ABCB9: variants seen among roughly 807,000 people sequenced by gnomAD.
The protein encoded by ABCB9 is ABC-type oligopeptide transporter ABCB9.
Under a neutral mutation model 62.0 loss-of-function variants are expected in ABCB9, and 36 were observed. That is an observed-to-expected ratio of 0.58 (90% CI 0.45 to 0.77). The LOEUF (loss-of-function observed/expected upper bound fraction) is 0.77, where lower values mean the gene tolerates loss of function less well. Ranked by LOEUF, ABCB9 falls within the 30% of genes least tolerant of loss-of-function variation. The pLI, the probability that ABCB9 is intolerant of heterozygous loss-of-function variation, is 0.00. For synonymous variants in ABCB9, 435 were observed against 461.4 expected (o/e 0.94, Z 0.73); for missense variants, 943 against 1,054.7 (o/e 0.89, Z 1.47).
At chr12:122,920,587 T>C (rs967067184), downstream of ABCB9, among the ~76,000 whole-genome samples, 2 of 152,090 alleles carry the variant, frequency 1.3e-5, no homozygotes, top group African/African-American at 2.4e-5. Context: ...CATAGACTTG[T>C]TGTGAGGATT....
At chr12:122,931,130 T>C (rs777367775) in intron 11 of ABCB9, among the ~76,000 whole-genome samples, 4 of 151,756 alleles carry the variant, frequency 2.6e-5, no homozygotes, top group Non-Finnish European at 5.9e-5. Flanking sequence ...GTTCATGCTA[T>C]TCTCCTGCCT....
chr12:122,948,922 G>T, intron 4 of ABCB9, 93 bp from the exon 5 acceptor site: 16 of 949,946 alleles, frequency 1.7e-5, no homozygotes, highest in Non-Finnish European at 2.0e-5. Context: ...CAGACACTGG[G>T]AAGCCGGGCC....
rs548468569 is a variant in ABCB9, at chr12:122,937,627, G to A, written c.1744-2196C>T. On this transcript the variant is annotated intron_variant, in intron 9 of 11. Coordinates refer to ENST00000280560, the MANE Select transcript of ABCB9 (RefSeq NM_019625.4). ...GGGGGCTCTTCTAAAACTTTGGTGA[G>A]CAGCAGCCTGGTGGCCTCCCACTTG... Among the ~76,000 whole-genome samples, 6 of 152,304 alleles carry A rather than the reference G, an allele frequency of 3.9e-5. No homozygotes were observed. The South Asian group carries it at 1.2e-3, about 32-fold the overall frequency.
chr12:122,938,940 G>A (rs1187741506), intron 9 of ABCB9, among the ~76,000 whole-genome samples: 4 of 152,168 alleles, frequency 2.6e-5, no homozygotes, highest in Non-Finnish European at 5.9e-5. Flanking sequence ...GGGAGGCCAA[G>A]GCAGGCTGAT....
In ABCB9 at chr12:122,950,435, G is replaced by T; in HGVS notation, c.716+16C>A. 7 of 1,603,552 alleles carry T rather than the reference G, an allele frequency of 4.4e-6. No homozygotes were observed. The highest frequency in any genetic ancestry group is 5.1e-6 in the Non-Finnish European group (6 of 1,176,452). ...TCGGGGTGTGCGGGGCAGGGCGTGG[G>T]GGTTGAGCCAGCTACCTGCCAATGG... is the stretch of plus-strand genomic sequence containing the variant. On this transcript the variant is annotated intron_variant, in intron 3 of 11. Coordinates refer to ENST00000280560, the MANE Select transcript of ABCB9 (RefSeq NM_019625.4).
upstream of ABCB9, among the ~76,000 whole-genome samples, chr12:122,967,768 C>T (rs956128549): frequency 3.3e-5 from 5 of 152,170 alleles, no homozygotes; most frequent in Non-Finnish European, 5.9e-5. Context: ...GGATTAGAGT[C>T]GTGAGCCATG....
At chr12:122,945,694 A>T (rs2035995260) in intron 6 of ABCB9, among the ~76,000 whole-genome samples, 1 of 152,080 alleles carries the variant, frequency 6.6e-6, no homozygotes, top group African/African-American at 2.4e-5. Flanking sequence ...CCTGGCCAAG[A>T]TAGTGAAACC....
At position 122,945,959 on chromosome 12, in the gene ABCB9, G is replaced by T. The variant is rs374904760; in HGVS notation, c.1251+66C>A. 1.8e-4 allele frequency: 279 copies of T among 1,534,260 alleles called. 5 individuals carry two copies. In the South Asian group the frequency reaches 3.1e-3, roughly 17 times the overall value. ...ACATGCAGGACTGATGTCCTAGATC[G>T]AGGGCTTCCCCCATCTTTGCATCCC... On this transcript the variant is annotated intron_variant, in intron 6 of 11. Coordinates refer to ENST00000280560, the MANE Select transcript of ABCB9 (RefSeq NM_019625.4).
At chr12:122,934,163 G>C (rs768155387) in intron 10 of ABCB9, among the ~76,000 whole-genome samples, 1 of 152,084 alleles carries the variant, frequency 6.6e-6, no homozygotes, top group African/African-American at 2.4e-5. Context: ...CAGGAGAATC[G>C]CTTGAACCTG....
downstream of ABCB9, among the ~76,000 whole-genome samples, chr12:122,919,505 T>C (rs1178200195): frequency 6.6e-6 from 1 of 152,076 alleles, no homozygotes; most frequent in Non-Finnish European, 1.5e-5. Context: ...TGCCAGACTG[T>C]GGTTGGGATC....
intron 1 of ABCB9, among the ~76,000 whole-genome samples, chr12:122,972,512 T>C (rs2037288854): frequency 6.6e-6 from 1 of 151,594 alleles, no homozygotes; most frequent in South Asian, 2.1e-4. Flanking sequence ...ATGTTGACTT[T>C]TTTGTTTTTG....
chr12:122,954,055 G>C (rs1357492136), intron 2 of ABCB9, among the ~76,000 whole-genome samples: 1 of 151,922 alleles, frequency 6.6e-6, no homozygotes, highest in African/African-American at 2.4e-5. Context: ...TGCAATCCCA[G>C]CACTTTGGGA....
In ABCB9 at chr12:122,930,086, A is replaced by C. The variant is rs1252502588; in HGVS notation, c.2126T>G (p.Leu709Arg). The C allele has an allele frequency of 1.3e-6, 2 of 1,561,644 alleles. No individual in the cohort carries two copies. The highest frequency in any genetic ancestry group is 2.4e-5 in the South Asian group (2 of 84,738). Residue 709 changes from leucine (L) to arginine (R), a missense_variant, in exon 12 of 12, where the codon CTC becomes CGC. Transcript: ENST00000280560. The surrounding 1 kb of genome is among the most constrained non-coding windows in gnomAD (Gnocchi z 4.9). ...GCGGCCCTTGTCCAGCACCACAATG[A>C]GGTGCGCGTGCTCCACGGTGCTCAG... ...HRLSTVEHAH[L>R]IVVLDKGRVV...
At chr12:122,924,270 G>A (rs1007288497), downstream of ABCB9, among the ~76,000 whole-genome samples, 2 of 152,098 alleles carry the variant, frequency 1.3e-5, no homozygotes, top group African/African-American at 4.8e-5. Flanking sequence ...CTTTTCTCTG[G>A]GCCTCAGTTT....
intron 9 of ABCB9, chr12:122,939,427 T>C (rs1201592713): frequency 1.3e-5 from 2 of 152,242 alleles, no homozygotes; most frequent in East Asian, 1.9e-4. Flanking sequence ...GCAGAACCAA[T>C]GAAAAGCAAG....
downstream of ABCB9, among the ~76,000 whole-genome samples, chr12:122,927,952 A>G (rs2034952896): frequency 6.6e-6 from 1 of 152,182 alleles, no homozygotes; most frequent in Non-Finnish European, 1.5e-5. Flanking sequence ...TGCTTCCTAA[A>G]ATCAAAAAGG....
chr12:122,919,285 G>A (rs542856390), downstream of ABCB9, among the ~76,000 whole-genome samples: 56 of 152,186 alleles, frequency 3.7e-4, no homozygotes, highest in Admixed American at 2.0e-4. Flanking sequence ...GGATCCTCCT[G>A]CCTCAGCCAC....
In ABCB9 at chr12:122,929,057, G is replaced by A. The variant is rs1037104570; in HGVS notation, c.*854C>T. On this transcript the variant is annotated 3_prime_UTR_variant, in exon 12 of 12. Transcript: ENST00000280560. This position sits in a 1 kb window ranked among gnomAD's most constrained non-coding sequence, Gnocchi z 6.0. ...TCAACATGTTGCAACCTCTGGCAAAGCCAGATCCTGGGCTTTGCCACCATC... is the reference window on the plus strand; with the variant it reads ...TCAACATGTTGCAACCTCTGGCAAAACCAGATCCTGGGCTTTGCCACCATC... The A allele has an allele frequency of 1.0e-6, 1 of 985,990 alleles. No individual in the cohort carries two copies. The highest frequency in any genetic ancestry group is 1.2e-6 in the Non-Finnish European group (1 of 830,034). The allele number at this position is 985,990 out of a possible 1,614,324, so 61.1% of individuals were successfully genotyped here.
Position 122,959,489 on chromosome 12 carries a change from A to G in ABCB9, c.601+146T>C. On this transcript the variant is annotated intron_variant, in intron 2 of 11. Coordinates refer to ENST00000280560, the MANE Select transcript of ABCB9 (RefSeq NM_019625.4). The surrounding 1 kb of genome is among the most constrained non-coding windows in gnomAD (Gnocchi z 5.4). The stretch of plus-strand genomic sequence containing the variant: ...GCCTCCCAAAGTGCTGGGATTATAG[A>G]TATGAGCCACTATGCCTGGCCTCTT... The G allele has an allele frequency of 4.4e-6, 6 of 1,351,230 alleles. No homozygotes were observed. The highest frequency in any genetic ancestry group is 6.0e-6 in the Non-Finnish European group (6 of 1,001,442). The allele number at this position is 1,351,230 out of a possible 1,614,324, so 83.7% of individuals were successfully genotyped here. A position where few individuals can be genotyped will look rare whatever the true frequency, so the allele number is the denominator to read the frequency against.
Sources: gnomAD v4.1 joint callset for allele counts (sites outside exome capture counted in the v4.1 genomes callset) on GRCh38, gnomAD v4.1.1 for gene constraint, Gnocchi (gnomAD v3.1) non-coding constraint, MANE v1.5 for transcripts, NCBI Gene and HGNC (gene_info 2026-07-23, HGNC 2026-07-21) for gene names.